DNAH5: variants seen among roughly 807,000 people sequenced by gnomAD.
DNAH5 encodes the protein axonemal beta dynein heavy chain 5.
DNAH5 carries 372 observed loss-of-function variants against 518.2 expected under a neutral mutation model. That is an observed-to-expected ratio of 0.72 (90% confidence interval 0.66 to 0.78). The LOEUF (loss-of-function observed/expected upper bound fraction) is 0.78. Among genes scored for constraint, DNAH5 ranks in the 30% least tolerant of loss-of-function variants. The pLI is 0.00. For missense variants in DNAH5, 5,523 were observed against 5,687.0 expected (o/e 0.97, Z 0.93); for synonymous variants, 2,039 against 2,025.9 (o/e 1.01, Z -0.17).
In DNAH5 at chr5:13,891,048, C is replaced by G. The variant is rs1352162111; in HGVS notation, c.2505G>C (p.Met835Ile). 6.2e-7 allele frequency: 1 copy of G among 1,614,134 alleles called. No individual in the cohort carries two copies. Among genetic ancestry groups the G allele is most frequent in the East Asian group, 2.2e-5 (1 of 44,880 alleles). Residue 835 changes from methionine to isoleucine, a missense_variant, in exon 17 of 79, where the codon ATG (methionine) becomes ATC (isoleucine). Transcript: ENST00000265104. ...EFRIDAILEE[M>I]SSTPLCQLPQ... ...GAAGCTGACAAAGAGGCGTGCTGCTCATTTCTTCTAGAATGGCATCAATGC... is the reference window on the plus strand; with the variant it reads ...GAAGCTGACAAAGAGGCGTGCTGCTGATTTCTTCTAGAATGGCATCAATGC...
rs925569667 is a variant in DNAH5, at chr5:13,701,110, C to T, written c.13491+174G>A. On this transcript the variant is annotated intron_variant, in intron 77 of 78. Coordinates refer to ENST00000265104, the MANE Select transcript of DNAH5 (RefSeq NM_001369.3). ...AATAAGAAATAAATATTTTGAAAGTCGAGCTAGCAGCCTGAGAACAACTGG... is the reference window on the plus strand; with the variant it reads ...AATAAGAAATAAATATTTTGAAAGTTGAGCTAGCAGCCTGAGAACAACTGG... Among the ~76,000 whole-genome samples, 13 of 151,980 alleles carry T rather than the reference C, an allele frequency of 8.6e-5. No individual in the cohort carries two copies. The East Asian group carries it at 1.3e-3, about 16-fold the overall frequency.
chr5:13,890,519 C>T (rs1019820282), intron 17 of DNAH5, among the ~76,000 whole-genome samples: 4 of 152,108 alleles, frequency 2.6e-5, no homozygotes, highest in Non-Finnish European at 5.9e-5. Context: ...GCACTCACTC[C>T]CTGCCTCTCT....
intron 51 of DNAH5, among the ~76,000 whole-genome samples, chr5:13,787,330 A>AT (rs1330203525): frequency 6.6e-6 from 1 of 152,204 alleles, no homozygotes; most frequent in Non-Finnish European, 1.5e-5. Flanking sequence ...ACGACTTAGA[A>AT]TTTCACTGGG....
intron 1 of DNAH5, among the ~76,000 whole-genome samples, chr5:13,965,304 A>G (rs1226074470): frequency 6.6e-6 from 1 of 152,212 alleles, no homozygotes; most frequent in African/African-American, 2.4e-5. Context: ...GATAAACTGG[A>G]CATGATTGAT....
chr5:13,790,245 C>T (rs577117804), intron 50 of DNAH5, among the ~76,000 whole-genome samples: 7 of 152,222 alleles, frequency 4.6e-5, no homozygotes, highest in Non-Finnish European at 7.4e-5. Context: ...TGCACATGCA[C>T]GTGAATGTTC....
chr5:13,830,301 C>A (rs916000901), intron 36 of DNAH5, 88 bp from the exon 37 acceptor site: 1 of 1,236,460 alleles, frequency 8.1e-7, no homozygotes. Context: ...CTAAAATGAG[C>A]CAGATGTAAG....
At chr5:13,838,815 C>T (rs1156274963) in intron 35 of DNAH5, among the ~76,000 whole-genome samples, 1 of 152,056 alleles carries the variant, frequency 6.6e-6, no homozygotes, top group Non-Finnish European at 1.5e-5. Flanking sequence ...GGACCACTGG[C>T]TTAGCTCATC....
chr5:13,861,213 A>T (rs1768369604), intron 29 of DNAH5, among the ~76,000 whole-genome samples: 2 of 152,186 alleles, frequency 1.3e-5, no homozygotes, highest in African/African-American at 4.8e-5. Flanking sequence ...AGGGTATATT[A>T]TTGCCTGTCT....
intron 32 of DNAH5, among the ~76,000 whole-genome samples, chr5:13,842,479 G>T (rs1765396846): frequency 8.7e-6 from 1 of 114,470 alleles, no homozygotes; most frequent in Non-Finnish European, 1.8e-5. Context: ...AAGAAAGAAA[G>T]AAAGAGAAAG....
intron 35 of DNAH5, among the ~76,000 whole-genome samples, chr5:13,832,654 A>G (rs550920433): frequency 2.2e-4 from 34 of 152,332 alleles, no homozygotes; most frequent in African/African-American, 7.7e-4. Flanking sequence ...CTCTGCGGTC[A>G]GGAGCTAGGT....
chr5:13,725,053 G>A (rs150490366), intron 70 of DNAH5, among the ~76,000 whole-genome samples: 1 of 152,310 alleles, frequency 6.6e-6, no homozygotes, highest in African/African-American at 2.4e-5. Context: ...CTCTGTCCCA[G>A]GCAGTGCAAC....
At position 13,850,743 on chromosome 5, in the gene DNAH5, C is replaced by T. The variant is rs1286638271; in HGVS notation, c.5023G>A (p.Val1675Ile). 6.2e-7 allele frequency: 1 copy of T among 1,613,966 alleles called. No individual in the cohort carries two copies. The highest frequency in any genetic ancestry group is 8.5e-7 in the Non-Finnish European group (1 of 1,179,914). Reference sequence around the variant, plus strand: ...TCATCTCCAACACAGCACTGGACTACACTGGGCACTTCATGTGCCCGAGTC... The same window carrying T: ...TCATCTCCAACACAGCACTGGACTATACTGGGCACTTCATGTGCCCGAGTC... Reference protein sequence around the residue: ...IMTRAHEVPSVVQCCVGDETL... With the variant: ...IMTRAHEVPSIVQCCVGDETL... Residue 1675 changes from valine (V) to isoleucine (I), a missense_variant, in exon 31 of 79, where the codon GTA becomes ATA. Physicochemically the swap from Val to Ile is conservative, Grantham distance 29. Around this residue, in one of 3 missense-constraint regions of DNAH5, gnomAD observed 5,121 missense variants for 5,223.3 expected, o/e 0.98. Transcript: ENST00000265104.
intron 53 of DNAH5, among the ~76,000 whole-genome samples, chr5:13,780,400 T>C: frequency 6.6e-6 from 1 of 152,234 alleles, no homozygotes; most frequent in East Asian, 1.9e-4. Flanking sequence ...CTTGCTCACC[T>C]AGCCACAGCT....
intron 12 of DNAH5, 59 bp downstream of exon 12, chr5:13,911,327 A>T: frequency 7.3e-7 from 1 of 1,364,026 alleles, no homozygotes; most frequent in African/African-American, 1.4e-5. Flanking sequence ...TAACGGCATT[A>T]TACAGAAAGG....
At position 13,870,753 on chromosome 5, in the gene DNAH5, T is replaced by C. The variant is rs755152605; in HGVS notation, c.3834+14A>G. ...TAGAAATATTTCTATAATGAACAAA[T>C]GATCATTAGTTACCTCAATAGGTCC... On this transcript the variant is annotated intron_variant, in intron 24 of 78. Transcript: ENST00000265104. 1 of 1,600,506 alleles carries C rather than the reference T, an allele frequency of 6.2e-7. No homozygotes were observed. The highest frequency in any genetic ancestry group is 8.6e-7 in the Non-Finnish European group (1 of 1,168,150).
At chr5:13,745,958 A>C (rs1749270147) in intron 65 of DNAH5, among the ~76,000 whole-genome samples, 1 of 152,030 alleles carries the variant, frequency 6.6e-6, no homozygotes, top group South Asian at 2.1e-4. Flanking sequence ...GATTTCATTT[A>C]TTTTTTACTT....
At chr5:13,801,531 T>C (rs1758746513) in intron 47 of DNAH5, among the ~76,000 whole-genome samples, 2 of 152,224 alleles carry the variant, frequency 1.3e-5, no homozygotes, top group Non-Finnish European at 2.9e-5. Context: ...CAAGGTTGAA[T>C]GCATCCTTGT....
chr5:13,976,272 G>A (rs112096763), intron 1 of DNAH5, among the ~76,000 whole-genome samples: 2,367 of 152,222 alleles, frequency 0.016, 70 homozygotes, highest in African/African-American at 0.054. Flanking sequence ...TTCCTCAGTT[G>A]CCTGCAGCCA....
At chr5:13,838,380 C>G (rs6867510) in intron 35 of DNAH5, among the ~76,000 whole-genome samples, 59,602 of 151,710 alleles carry the variant, frequency 0.39, 11,935 homozygotes, top group East Asian at 0.6. Context: ...AGCTTCATCT[C>G]TATTTATAGC....
Sources: allele counts gnomAD v4.1 joint callset (sites outside exome capture counted in the v4.1 genomes callset), GRCh38; gene constraint gnomAD v4.1.1; regional missense constraint gnomAD v4.1.1; transcripts MANE v1.5; gene names NCBI Gene and HGNC (gene_info 2026-07-23, HGNC 2026-07-21).